The following RAB38 variants were observed in gnomAD, a reference collection of about 807,000 sequenced individuals.
RAB38 encodes ras-related protein Rab-38.
In RAB38, 15 loss-of-function variants were observed where a neutral mutation model predicts 18.4. The ratio of observed to expected loss-of-function variants is 0.82; its 90% CI spans 0.55 to 1.26. The LOEUF is 1.26. Ranked by LOEUF, RAB38 falls within the 50% of genes most tolerant of loss-of-function variation. The probability of loss-of-function intolerance (pLI) is 0.00; values close to 1 mark genes in which losing one functional copy is unlikely to be tolerated. For synonymous variants in RAB38, 101 were observed against 104.4 expected, an observed-to-expected ratio of 0.97 and a Z score of 0.20; for missense variants, 294 against 267.4, an observed-to-expected ratio of 1.10 and a Z score of -0.69.
the RAB38 span, among the ~76,000 whole-genome samples, chr11:88,035,284 CT>C: frequency 6.6e-6 from 1 of 152,002 alleles, no homozygotes; most frequent in Non-Finnish European, 1.5e-5. Flanking sequence ...ATAGTTAATG[CT>C]TTTTCTTCAC....
chr11:88,013,061 A>G, the RAB38 span, among the ~76,000 whole-genome samples: 6 of 152,274 alleles, frequency 3.9e-5, no homozygotes, highest in Non-Finnish European at 5.9e-5. Flanking sequence ...TCTCATCCTT[A>G]TGGTTCTTTC....
the RAB38 span, among the ~76,000 whole-genome samples, chr11:87,938,457 T>G: frequency 6.6e-6 from 1 of 152,124 alleles, no homozygotes; most frequent in East Asian, 1.9e-4. Context: ...GTTGTGGTGC[T>G]TCTTTACAGC....
the RAB38 span, among the ~76,000 whole-genome samples, chr11:87,929,853 T>A: frequency 6.6e-6 from 1 of 151,964 alleles, no homozygotes; most frequent in African/African-American, 2.4e-5. Flanking sequence ...CTGAGAATGA[T>A]GGTTTCCAGC....
the RAB38 span, among the ~76,000 whole-genome samples, chr11:87,964,693 T>C: frequency 6.6e-6 from 1 of 152,052 alleles, no homozygotes; most frequent in Non-Finnish European, 1.5e-5. Context: ...CACTTGGTGG[T>C]ATAAAACACT....
chr11:87,976,713 T>C, the RAB38 span, among the ~76,000 whole-genome samples: 1 of 120,204 alleles, frequency 8.3e-6, no homozygotes, highest in Non-Finnish European at 1.6e-5. Flanking sequence ...TACATATTTA[T>C]ATTTCTATAT....
the RAB38 span, among the ~76,000 whole-genome samples, chr11:88,088,235 C>T: frequency 2.6e-4 from 39 of 151,964 alleles, 1 homozygote; most frequent in Admixed American, 1.2e-3. Flanking sequence ...ATTGATGCTA[C>T]TATGTCCACC....
chr11:87,948,709 A>G, the RAB38 span, among the ~76,000 whole-genome samples: 5 of 144,238 alleles, frequency 3.5e-5, no homozygotes, highest in East Asian at 6.1e-4. Flanking sequence ...ATTTGCGTAT[A>G]TTGAACCAGC....
At chr11:88,094,709 T>C in the RAB38 span, among the ~76,000 whole-genome samples, 4 of 152,052 alleles carry the variant, frequency 2.6e-5, no homozygotes, top group African/African-American at 9.6e-5. Context: ...TGAGCCTGCA[T>C]AGCAGAATAT....
At chr11:88,025,845 T>A in the RAB38 span, among the ~76,000 whole-genome samples, 1 of 152,210 alleles carries the variant, frequency 6.6e-6, no homozygotes, top group African/African-American at 2.4e-5. Flanking sequence ...TATTGACAGT[T>A]TATTTTGCTG....
At chr11:87,976,734 ATATATATT>A in the RAB38 span, among the ~76,000 whole-genome samples, 1,085 of 118,460 alleles carry the variant, frequency 9.2e-3, 22 homozygotes, top group African/African-American at 0.035. Context: ...ATTTTATATA[ATATATATT>A]TATATATTTA....
chr11:87,927,787 C>A, the RAB38 span, among the ~76,000 whole-genome samples: 1 of 151,940 alleles, frequency 6.6e-6, no homozygotes, highest in Non-Finnish European at 1.5e-5. Context: ...AGGCTATTGG[C>A]GGAGCAAGAT....
At chr11:87,897,520 G>A in the RAB38 span, among the ~76,000 whole-genome samples, 26 of 151,432 alleles carry the variant, frequency 1.7e-4, no homozygotes, top group Admixed American at 3.3e-4. Flanking sequence ...AATTTCTTTC[G>A]TAGATTTGTT....
At chr11:88,036,565 T>C in the RAB38 span, among the ~76,000 whole-genome samples, 1 of 152,138 alleles carries the variant, frequency 6.6e-6, no homozygotes, top group Admixed American at 6.5e-5. Flanking sequence ...ACAATTTCTG[T>C]GCATTTCCTT....
the RAB38 span, among the ~76,000 whole-genome samples, chr11:88,092,634 GC>G: frequency 6.6e-6 from 1 of 151,728 alleles, no homozygotes; most frequent in African/African-American, 2.4e-5. Context: ...TTTAAAGGGT[GC>G]AAAATATCTG....
At chr11:88,148,512 G>A (rs547262700) in intron 2 of RAB38, among the ~76,000 whole-genome samples, 1 of 152,046 alleles carries the variant, frequency 6.6e-6, no homozygotes, top group Admixed American at 6.6e-5. Context: ...CCTCCAATCC[G>A]TCTTCTATAG....
intron 1 of RAB38, among the ~76,000 whole-genome samples, chr11:88,162,808 T>C (rs1322015620): frequency 1.3e-5 from 2 of 152,102 alleles, no homozygotes; most frequent in African/African-American, 4.8e-5. Context: ...ATTTTCAGAC[T>C]GAGGTCAAGG....
At chr11:88,120,410 CCA>C (rs1279129754) in intron 2 of RAB38, among the ~76,000 whole-genome samples, 2 of 152,106 alleles carry the variant, frequency 1.3e-5, no homozygotes, top group African/African-American at 4.8e-5. Flanking sequence ...AATCCAAAGC[CCA>C]CAGTTTTGTA....
chr11:87,862,028 G>T, the RAB38 span, among the ~76,000 whole-genome samples: 1 of 152,046 alleles, frequency 6.6e-6, no homozygotes, highest in South Asian at 2.1e-4. Context: ...GGCTGGCAAG[G>T]TTGTGGAGAA....
At chr11:88,050,690 T>C in the RAB38 span, among the ~76,000 whole-genome samples, 1 of 152,256 alleles carries the variant, frequency 6.6e-6, no homozygotes, top group Non-Finnish European at 1.5e-5. Flanking sequence ...TAGCTCCTTG[T>C]AGCAATCTAA....
Sources: allele counts gnomAD v4.1 joint callset (sites outside exome capture counted in the v4.1 genomes callset), GRCh38; gene constraint gnomAD v4.1.1; transcripts MANE v1.5; gene names NCBI Gene and HGNC (gene_info 2026-07-23, HGNC 2026-07-21).